Variants in MAB21L3 observed in about 807,000 individuals in gnomAD.
The protein encoded by MAB21L3 is protein mab-21-like 3.
MAB21L3 carries 36 observed loss-of-function variants against 37.7 expected under a neutral mutation model. The ratio of observed to expected loss-of-function variants is 0.96; its 90% confidence interval spans 0.73 to 1.26. The LOEUF is 1.26. Ranked by LOEUF, MAB21L3 falls within the 50% of genes most tolerant of loss-of-function variation. The probability of loss-of-function intolerance (pLI) is 0.00; values close to 1 mark genes in which losing one functional copy is unlikely to be tolerated. For synonymous variants in MAB21L3, 186 were observed against 176.8 expected, an observed-to-expected ratio of 1.05 and a Z score of -0.41; for missense variants, 430 against 447.3, an observed-to-expected ratio of 0.96 and a Z score of 0.35.
intron 7 of MAB21L3, among the ~76,000 whole-genome samples, chr1:116,131,252 G>A (rs1411115400): frequency 1.3e-5 from 2 of 152,208 alleles, no homozygotes; most frequent in Non-Finnish European, 2.9e-5. Flanking sequence ...AGTGTGCAAT[G>A]GGTGTACTAG....
At chr1:116,120,907 C>T (rs1465144515) in intron 3 of MAB21L3, 25 bp from the exon 4 acceptor site, 4 of 1,612,558 alleles carry the variant, frequency 2.5e-6, no homozygotes, top group Non-Finnish European at 3.4e-6. Flanking sequence ...AAATAACCAC[C>T]ATTGCTGGTC....
intron 5 of MAB21L3, among the ~76,000 whole-genome samples, chr1:116,125,220 A>G (rs1368139894): frequency 1.3e-5 from 2 of 152,196 alleles, no homozygotes; most frequent in African/African-American, 2.4e-5. Context: ...GGGTATTCTC[A>G]TGTTGTTATT....
intron 3 of MAB21L3, among the ~76,000 whole-genome samples, chr1:116,119,932 G>C (rs1659694683): frequency 6.6e-6 from 1 of 152,216 alleles, no homozygotes; most frequent in South Asian, 2.1e-4. Context: ...TTTTCTTAAG[G>C]GTCTAGAAGC....
rs1660191333 is a variant in MAB21L3, at chr1:116,135,972, G to A, written c.*2607G>A. On this transcript the variant is annotated 3_prime_UTR_variant, in exon 8 of 8. Coordinates refer to ENST00000369500, the MANE Select transcript of MAB21L3 (RefSeq NM_152367.3). The stretch of plus-strand genomic sequence containing the variant: ...TCAATAAATTAGGTATTGATGGGAC[G>A]TATTTCAAAATAATAAGAGCTATCT... 1.3e-5 allele frequency among the ~76,000 whole-genome samples: 2 copies of A among 150,954 alleles called. No homozygotes were observed. Among genetic ancestry groups the A allele is most frequent in the South Asian group, 4.2e-4 (2 of 4,778 alleles).
At position 116,125,674 on chromosome 1, in the gene MAB21L3, AGTTTAT is replaced by A. The variant is rs570158133; in HGVS notation, c.481+1323_481+1328del. 3.6e-4 allele frequency among the ~76,000 whole-genome samples: 52 copies of A among 145,642 alleles called. No homozygotes were observed. In the East Asian group the frequency reaches 8.3e-3, roughly 23 times the overall value. On this transcript the variant is annotated intron_variant, in intron 5 of 7. Coordinates refer to ENST00000369500, the MANE Select transcript of MAB21L3 (RefSeq NM_152367.3). ...TTCTGAAAATTTCCATAATGGTAAT[AGTTTAT>A]GTTTAATAGATTTTTTTACTAAGTA...
At chr1:116,121,564 C>T (rs1346246975) in intron 4 of MAB21L3, among the ~76,000 whole-genome samples, 2 of 152,152 alleles carry the variant, frequency 1.3e-5, no homozygotes, top group Non-Finnish European at 2.9e-5. Context: ...TTATTAAGCA[C>T]CTACTTAATA....
At chr1:116,129,887 C>G (rs556436370) in intron 7 of MAB21L3, among the ~76,000 whole-genome samples, 1 of 152,330 alleles carries the variant, frequency 6.6e-6, no homozygotes, top group South Asian at 2.1e-4. Flanking sequence ...CATTCACATG[C>G]ACTGGGGCTT....
At chr1:116,113,889 C>G (rs920721685) in intron 3 of MAB21L3, among the ~76,000 whole-genome samples, 1 of 152,112 alleles carries the variant, frequency 6.6e-6, no homozygotes, top group Admixed American at 6.5e-5. Context: ...TCCTGGTCCC[C>G]GCTGCCTCTC....
intron 7 of MAB21L3, among the ~76,000 whole-genome samples, chr1:116,128,733 G>A (rs1450587916): frequency 6.6e-6 from 1 of 152,112 alleles, no homozygotes; most frequent in Non-Finnish European, 1.5e-5. Context: ...CACTTTGATG[G>A]CTTTATGTTT....
At chr1:116,113,530 A>G (rs964231596) in intron 3 of MAB21L3, among the ~76,000 whole-genome samples, 4 of 152,076 alleles carry the variant, frequency 2.6e-5, no homozygotes, top group African/African-American at 9.7e-5. Flanking sequence ...AAAACTCCAA[A>G]CTTTTTAGTG....
intron 7 of MAB21L3, among the ~76,000 whole-genome samples, chr1:116,130,702 G>C (rs1189260039): frequency 1.3e-5 from 2 of 152,154 alleles, no homozygotes; most frequent in African/African-American, 2.4e-5. Flanking sequence ...CCCCAAAAAG[G>C]CTCTGCCCCA....
chr1:116,133,794 G>A lies in MAB21L3; in HGVS notation c.*429G>A. On this transcript the variant is annotated 3_prime_UTR_variant, in exon 8 of 8. Transcript: ENST00000369500. Reference sequence around the variant, plus strand: ...CACATTCTCCTGCCATTTGTAAAATGGGAATGTTAACGTGCCTACCTCTGA... The same window carrying A: ...CACATTCTCCTGCCATTTGTAAAATAGGAATGTTAACGTGCCTACCTCTGA... 2 of 227,970 alleles carry A rather than the reference G, an allele frequency of 8.8e-6. No individual in the cohort carries two copies. Among genetic ancestry groups the A allele is most frequent in the Non-Finnish European group, 1.7e-5 (2 of 115,106 alleles). 14.1% of individuals were successfully genotyped at this position (227,970 alleles called of 1,614,324 possible). A position where few individuals can be genotyped will look rare whatever the true frequency, so the allele number is the denominator to read the frequency against.
At chr1:116,119,386 G>T (rs1282468787) in intron 3 of MAB21L3, among the ~76,000 whole-genome samples, 1 of 149,566 alleles carries the variant, frequency 6.7e-6, no homozygotes, top group African/African-American at 2.5e-5. Context: ...AAGTTGGCTT[G>T]CTGGTTGATG....
chr1:116,129,143 C>T (rs772287960), intron 7 of MAB21L3, among the ~76,000 whole-genome samples: 4 of 152,174 alleles, frequency 2.6e-5, no homozygotes, highest in African/African-American at 4.8e-5. Context: ...CCAGTGGGTG[C>T]GTGTACAATC....
Position 116,128,203 on chromosome 1 carries a change from G to T in MAB21L3, c.719G>T (p.Arg240Leu). 6.2e-7 allele frequency: 1 copy of T among 1,607,398 alleles called. No homozygotes were observed. The highest frequency in any genetic ancestry group is 8.5e-7 in the Non-Finnish European group (1 of 1,176,556). Residue 240 changes from arginine to leucine, a missense_variant, in exon 7 of 8, where the codon CGT becomes CTT. Arg to Leu is a moderately radical substitution (Grantham distance 102). Transcript: ENST00000369500. ...SNYHWQLSFL[R>L]AEQVLLEQLD... ...TATCACTGGCAGCTGAGCTTCCTCC[G>T]TGCTGAGCAGGTGTTACTGGAACAG... is the stretch of plus-strand genomic sequence containing the variant.
Position 116,127,590 on chromosome 1 carries a change from G to T in MAB21L3, c.606G>T (p.Arg202=), listed in dbSNP as rs1253963902. The change falls in exon 6 of 8, where the codon CGG becomes CGT. Residue 202 remains arginine (R), a synonymous_variant. Transcript: ENST00000369500. Reference sequence around the variant, plus strand: ...CCACCACCTGGTCCAAGAAAGCCCGGTGGCCTCGATGTCTGCAGCGCTGGC... The same window carrying T: ...CCACCACCTGGTCCAAGAAAGCCCGTTGGCCTCGATGTCTGCAGCGCTGGC... ...EIPTTWSKKA[R]WPRCLQRWPS... is the part of the protein sequence containing the mutation. The T allele has an allele frequency of 1.9e-6, 3 of 1,614,182 alleles. No homozygotes were observed. The Admixed American group carries it at 5.0e-5, about 27-fold the overall frequency.
intron 4 of MAB21L3, among the ~76,000 whole-genome samples, chr1:116,123,657 A>T (rs1659814140): frequency 6.6e-6 from 1 of 152,220 alleles, no homozygotes; most frequent in South Asian, 2.1e-4. Context: ...TATCTGGAAA[A>T]TGGCAAGAAA....
At chr1:116,131,734 C>T (rs1660069559) in intron 7 of MAB21L3, among the ~76,000 whole-genome samples, 1 of 152,046 alleles carries the variant, frequency 6.6e-6, no homozygotes, top group East Asian at 1.9e-4. Flanking sequence ...CAGGATGGGA[C>T]CTTGAAGTAT....
At chr1:116,112,744 T>G (rs986448902) in intron 3 of MAB21L3, 81 bp downstream of exon 3, 3 of 1,421,954 alleles carry the variant, frequency 2.1e-6, no homozygotes, top group African/African-American at 1.4e-5. Context: ...AGAAAGGATC[T>G]CAGGCTCTTT....
Sources: allele counts gnomAD v4.1 joint callset (sites outside exome capture counted in the v4.1 genomes callset), GRCh38; gene constraint gnomAD v4.1.1; transcripts MANE v1.5; gene names NCBI Gene and HGNC (gene_info 2026-07-23, HGNC 2026-07-21).